The following B3GALT1 variants were observed in gnomAD, a reference collection of about 807,000 sequenced individuals.
B3GALT1 encodes UDP-Gal:betaGlcNAc beta 1,3-galactosyltransferase, polypeptide 1.
In B3GALT1, 10 loss-of-function variants were observed where a neutral mutation model predicts 23.2. The ratio of observed to expected loss-of-function variants is 0.43; its 90% confidence interval spans 0.27 to 0.73. The LOEUF is 0.73. Among genes scored for constraint, B3GALT1 ranks in the 30% least tolerant of loss-of-function variants. The pLI is 0.21. For missense variants in B3GALT1, 299 were observed against 405.4 expected, an observed-to-expected ratio of 0.74 and a Z score of 2.25; for synonymous variants, 156 against 141.5, an observed-to-expected ratio of 1.10 and a Z score of -0.73.
intron 3 of B3GALT1, among the ~76,000 whole-genome samples, chr2:167,806,256 C>A (rs1213876366): frequency 1.3e-5 from 2 of 152,152 alleles, no homozygotes; most frequent in Non-Finnish European, 2.9e-5. Flanking sequence ...TCTAGACATA[C>A]AATCATGTCA....
intron 4 of B3GALT1, among the ~76,000 whole-genome samples, chr2:167,819,310 C>T (rs968303589): frequency 9.2e-5 from 14 of 152,186 alleles, no homozygotes; most frequent in African/African-American, 3.4e-4. Flanking sequence ...AATTGTGCTT[C>T]AATCATTTCT....
intron 3 of B3GALT1, among the ~76,000 whole-genome samples, chr2:167,804,171 G>GTTTTTTTTTTTTTTTT (rs1393514138): frequency 6.6e-6 from 1 of 151,926 alleles, no homozygotes; most frequent in African/African-American, 2.4e-5. Flanking sequence ...TGTATTTTTA[G>GTTTTTTTTTTTTTTTT]TAGAGACGAG....
intron 3 of B3GALT1, among the ~76,000 whole-genome samples, chr2:167,763,864 A>G (rs890125460): frequency 2.0e-5 from 3 of 152,178 alleles, no homozygotes; most frequent in African/African-American, 7.2e-5. Context: ...GCCTACAAGC[A>G]TCTGCTGGAA....
At chr2:167,536,884 A>G (rs1683438538) in intron 2 of B3GALT1, among the ~76,000 whole-genome samples, 1 of 152,080 alleles carries the variant, frequency 6.6e-6, no homozygotes, top group African/African-American at 2.4e-5. Context: ...TTAAAATTGT[A>G]GCTGCCCTTC....
At chr2:167,368,287 T>C (rs1697624154) in intron 1 of B3GALT1, among the ~76,000 whole-genome samples, 2 of 152,220 alleles carry the variant, frequency 1.3e-5, no homozygotes. Context: ...AATTTTTTTA[T>C]TGCTTTACAT....
At chr2:167,782,678 TG>T (rs1313678927) in intron 3 of B3GALT1, among the ~76,000 whole-genome samples, 2 of 152,088 alleles carry the variant, frequency 1.3e-5, no homozygotes, top group Non-Finnish European at 2.9e-5. Flanking sequence ...TCCCAGCTCC[TG>T]GGGGGGAAAG....
intron 3 of B3GALT1, among the ~76,000 whole-genome samples, chr2:167,703,561 A>G (rs1002664106): frequency 4.6e-5 from 7 of 152,212 alleles, no homozygotes; most frequent in Admixed American, 4.6e-4. Flanking sequence ...AGAATAGATG[A>G]CATCTGCTGC....
intron 1 of B3GALT1, among the ~76,000 whole-genome samples, chr2:167,476,563 T>G (rs1699489482): frequency 6.6e-6 from 1 of 152,180 alleles, no homozygotes; most frequent in South Asian, 2.1e-4. Flanking sequence ...GGGGGGATAC[T>G]GTGGACAGTT....
chr2:167,660,489 T>C (rs1241760963), intron 3 of B3GALT1, among the ~76,000 whole-genome samples: 2 of 152,144 alleles, frequency 1.3e-5, no homozygotes, highest in Admixed American at 6.6e-5. Context: ...GATTCTATTA[T>C]TGTAATTTGG....
chr2:167,340,081 A>G (rs1357602), intron 1 of B3GALT1, among the ~76,000 whole-genome samples: 122,025 of 152,118 alleles, frequency 0.8, 51,966 homozygotes, highest in Non-Finnish European at 0.96. Context: ...AACAGAGTGC[A>G]TTTCTTGCAT....
chr2:167,428,626 T>C (rs2140498), intron 1 of B3GALT1, among the ~76,000 whole-genome samples: 142,513 of 152,096 alleles, frequency 0.94, 67,165 homozygotes, highest in Non-Finnish European at 0.99. Flanking sequence ...TGCAGTGAGC[T>C]GAGATCGCCC....
chr2:167,617,088 T>G (rs897761051), intron 2 of B3GALT1, among the ~76,000 whole-genome samples: 1 of 152,112 alleles, frequency 6.6e-6, no homozygotes, highest in Non-Finnish European at 1.5e-5. Context: ...TATGCTATCA[T>G]TAAGCACACA....
intron 2 of B3GALT1, among the ~76,000 whole-genome samples, chr2:167,554,082 T>C (rs1558902706): frequency 6.6e-6 from 1 of 152,180 alleles, no homozygotes; most frequent in Non-Finnish European, 1.5e-5. Context: ...TGACCGCTGG[T>C]CACTGGCCTA....
At chr2:167,564,860 T>G (rs1017835057) in intron 2 of B3GALT1, among the ~76,000 whole-genome samples, 1 of 152,118 alleles carries the variant, frequency 6.6e-6, no homozygotes, top group African/African-American at 2.4e-5. Flanking sequence ...TAAAAGAGGA[T>G]ACAAACAAAT....
intron 2 of B3GALT1, among the ~76,000 whole-genome samples, chr2:167,594,159 C>T (rs781648425): frequency 6.6e-5 from 10 of 152,030 alleles, no homozygotes; most frequent in Admixed American, 1.3e-4. Context: ...GTGGTTATCT[C>T]GAGTGGAGGT....
At chr2:167,445,884 G>A (rs911751839) in intron 1 of B3GALT1, among the ~76,000 whole-genome samples, 2 of 152,132 alleles carry the variant, frequency 1.3e-5, no homozygotes, top group Non-Finnish European at 2.9e-5. Context: ...ATATTGTTAT[G>A]TGTGAATTTG....
chr2:167,562,441 T>G (rs1684021028), intron 2 of B3GALT1, among the ~76,000 whole-genome samples: 1 of 152,090 alleles, frequency 6.6e-6, no homozygotes, highest in Admixed American at 6.5e-5. Flanking sequence ...AACATAGTGT[T>G]GGAAGTTCTG....
intron 3 of B3GALT1, among the ~76,000 whole-genome samples, chr2:167,704,859 T>G (rs1272528035): frequency 1.3e-5 from 2 of 152,204 alleles, no homozygotes; most frequent in Non-Finnish European, 2.9e-5. Context: ...ATTTACTATG[T>G]CAAAGCATCA....
chr2:167,828,827 A>G (rs1221121669), intron 4 of B3GALT1, among the ~76,000 whole-genome samples: 1 of 152,186 alleles, frequency 6.6e-6, no homozygotes, highest in East Asian at 1.9e-4. Context: ...AGGTTGCAGA[A>G]CATTTCCAGG....
Sources: gnomAD v4.1 joint callset for allele counts (sites outside exome capture counted in the v4.1 genomes callset) on GRCh38, gnomAD v4.1.1 for gene constraint, MANE v1.5 for transcripts, NCBI Gene and HGNC (gene_info 2026-07-23, HGNC 2026-07-21) for gene names.